LRRC4C: variants seen among roughly 807,000 people sequenced by gnomAD.
The protein encoded by LRRC4C is leucine-rich repeat-containing protein 4C.
In LRRC4C, 5 loss-of-function variants were observed where a neutral mutation model predicts 33.6. The observed-to-expected ratio is 0.15, with a 90% CI of 0.08 to 0.31. LRRC4C has a LOEUF of 0.31. LRRC4C is among the 10% of genes least tolerant of loss of function. The pLI is 1.00. For synonymous variants in LRRC4C, 329 were observed against 302.0 expected (o/e 1.09, Z -0.93); for missense variants, 560 against 796.7 (o/e 0.70, Z 3.58).
At position 41,087,004 on chromosome 11, in the gene LRRC4C, T is replaced by A. The variant is rs1313296130; in HGVS notation, c.-495-153281A>T. 3.3e-5 allele frequency among the ~76,000 whole-genome samples: 5 copies of A among 151,958 alleles called. No homozygotes were observed. In the East Asian group the frequency reaches 9.7e-4, roughly 29 times the overall value. On this transcript the variant is annotated intron_variant, in intron 1 of 6. Transcript: ENST00000528697. ...AACATTCTTTGTACAATTCTACTCCTTCTTCATTAGTCTGCCATTCCTGCA... is the reference window on the plus strand; with the variant it reads ...AACATTCTTTGTACAATTCTACTCCATCTTCATTAGTCTGCCATTCCTGCA...
chr11:40,592,525 T>A (rs115613651), intron 3 of LRRC4C, among the ~76,000 whole-genome samples: 2,571 of 152,332 alleles, frequency 0.017, 91 homozygotes, highest in African/African-American at 0.058. Context: ...CATATGGAAG[T>A]GGCCTTGTGG....
chr11:41,437,854 A>G (rs1281152204), intron 1 of LRRC4C, among the ~76,000 whole-genome samples: 1 of 152,066 alleles, frequency 6.6e-6, no homozygotes, highest in African/African-American at 2.4e-5. Flanking sequence ...CCTGGCTAAC[A>G]TGGTGAAACC....
intron 3 of LRRC4C, among the ~76,000 whole-genome samples, chr11:40,447,682 T>C (rs1951699718): frequency 6.6e-6 from 1 of 152,140 alleles, no homozygotes; most frequent in Admixed American, 6.5e-5. Flanking sequence ...AAGCAAACTC[T>C]CCGTCTCTAA....
At chr11:40,542,048 T>TTCTCTTTCTTTCTTTCTC (rs1956733934) in intron 3 of LRRC4C, among the ~76,000 whole-genome samples, 1 of 136,888 alleles carries the variant, frequency 7.3e-6, no homozygotes, top group Non-Finnish European at 1.5e-5. Flanking sequence ...TTCTTTCTCT[T>TTCTCTTTCTTTCTTTCTC]TCTCTCTTTC....
chr11:40,263,532 G>GA (rs199622013), intron 4 of LRRC4C, among the ~76,000 whole-genome samples: 2 of 152,114 alleles, frequency 1.3e-5, no homozygotes, highest in African/African-American at 4.8e-5. Flanking sequence ...TACAGTTTTG[G>GA]GGGCGGGGGA....
At chr11:40,810,741 T>C (rs1951452921) in intron 2 of LRRC4C, among the ~76,000 whole-genome samples, 1 of 152,156 alleles carries the variant, frequency 6.6e-6, no homozygotes. Context: ...CTACTCCTAA[T>C]TAATTAACAT....
rs1590388991 is a variant in LRRC4C, at chr11:40,346,708, T to G, written c.-269-26987A>C. ...TGTGCCCCTGAACTTAAAATAAACG[T>G]TTTTTTAAAAGCAAACAACATGAAT... On this transcript the variant is annotated intron_variant, in intron 3 of 6. Coordinates refer to ENST00000528697, the MANE Select transcript of LRRC4C (RefSeq NM_001258419.2). Among the ~76,000 whole-genome samples, 3 of 152,276 alleles carry G rather than the reference T, an allele frequency of 2.0e-5. 1 individual carries two copies. Among genetic ancestry groups the G allele is most frequent in the Admixed American group, 2.0e-4 (3 of 15,282 alleles).
Position 40,592,052 on chromosome 11 carries a change from G to A in LRRC4C, c.-270+56090C>T, listed in dbSNP as rs375966097. Among the ~76,000 whole-genome samples, 31 of 152,324 alleles carry A rather than the reference G, an allele frequency of 2.0e-4. No homozygotes were observed. In the East Asian group the frequency reaches 3.3e-3, roughly 16 times the overall value. On this transcript the variant is annotated intron_variant, in intron 3 of 6. Transcript: ENST00000528697. The stretch of plus-strand genomic sequence containing the variant: ...CTATTCACTCAAATAGATGTTACAT[G>A]TTTATTGTGCCTCAGTTTGCTTTTT...
At position 40,709,117 on chromosome 11, in the gene LRRC4C, C is replaced by T. The variant is rs183134653; in HGVS notation, c.-406-60839G>A. ...GTGTGTCTCTGCATGTGAAATGGGT[C>T]TCCTGAATACAGCACACTGATGGGT... is the stretch of plus-strand genomic sequence containing the variant. On this transcript the variant is annotated intron_variant, in intron 2 of 6. Coordinates refer to ENST00000528697, the MANE Select transcript of LRRC4C (RefSeq NM_001258419.2). Among the ~76,000 whole-genome samples the T allele has an allele frequency of 4.7e-3, 715 of 152,198 alleles. 6 individuals carry two copies. The highest frequency in any genetic ancestry group is 6.1e-3 in the Non-Finnish European group (416 of 68,014).
At chr11:40,603,993 T>C (rs1960298288) in intron 3 of LRRC4C, among the ~76,000 whole-genome samples, 1 of 152,156 alleles carries the variant, frequency 6.6e-6, no homozygotes, top group South Asian at 2.1e-4. Flanking sequence ...AATCACTGTA[T>C]AGACGTTGGG....
At chr11:40,354,932 A>G (rs1947587032) in intron 3 of LRRC4C, among the ~76,000 whole-genome samples, 1 of 151,980 alleles carries the variant, frequency 6.6e-6, no homozygotes, top group African/African-American at 2.4e-5. Flanking sequence ...CACCATAGCT[A>G]GGAATGTGCT....
At position 40,114,323 on chromosome 11, in the gene LRRC4C, ACTGT is replaced by A. The variant is rs375145452; in HGVS notation, c.*43_*46del. 241 of 1,510,912 alleles carry A rather than the reference ACTGT, an allele frequency of 1.6e-4. 2 individuals carry two copies. In the East Asian group the frequency reaches 4.4e-3, roughly 28 times the overall value. 93.6% of individuals were successfully genotyped at this position (1,510,912 alleles called of 1,614,324 possible). ...CAGTCATTTGTGTCATTTTTAATAAACTGTCTTTTTTTTTGATTGTTTGTTTTTT... is the reference window on the plus strand; with the variant it reads ...CAGTCATTTGTGTCATTTTTAATAAACTTTTTTTTTGATTGTTTGTTTTTT... On this transcript the variant is annotated 3_prime_UTR_variant, in exon 7 of 7. Transcript: ENST00000528697.
At chr11:40,891,126 G>A (rs1324392129) in intron 2 of LRRC4C, among the ~76,000 whole-genome samples, 2 of 152,100 alleles carry the variant, frequency 1.3e-5, no homozygotes, top group Non-Finnish European at 2.9e-5. Context: ...AGCTACTCGG[G>A]AGGCTGAGGT....
At chr11:40,309,251 GAT>G (rs776441500) in intron 4 of LRRC4C, among the ~76,000 whole-genome samples, 1 of 151,944 alleles carries the variant, frequency 6.6e-6, no homozygotes, top group Non-Finnish European at 1.5e-5. Flanking sequence ...TATTCAAATT[GAT>G]ATATATATCC....
chr11:41,344,099 A>G (rs1468465709), intron 1 of LRRC4C, among the ~76,000 whole-genome samples: 2 of 152,140 alleles, frequency 1.3e-5, no homozygotes, highest in Non-Finnish European at 2.9e-5. Context: ...TCACTTGCAC[A>G]CCAAGCCCTA....
chr11:40,307,330 A>C (rs1400027038), intron 4 of LRRC4C, among the ~76,000 whole-genome samples: 1 of 152,148 alleles, frequency 6.6e-6, no homozygotes, highest in African/African-American at 2.4e-5. Context: ...AGAAATTTGC[A>C]TGTTCCCTAT....
intron 1 of LRRC4C, among the ~76,000 whole-genome samples, chr11:41,130,133 C>T (rs1942945372): frequency 6.6e-6 from 1 of 151,934 alleles, no homozygotes; most frequent in East Asian, 1.9e-4. Context: ...GCTCATTCCT[C>T]ATGTATTTCT....
chr11:41,074,100 T>C lies in LRRC4C; in HGVS notation c.-495-140377A>G, dbSNP rs372991612. On this transcript the variant is annotated intron_variant, in intron 1 of 6. Transcript: ENST00000528697. ...TATTTGATATCTGTCATAATAATCATCGATAACAAATAGTCAAGATTTTTT... is the reference window on the plus strand; with the variant it reads ...TATTTGATATCTGTCATAATAATCACCGATAACAAATAGTCAAGATTTTTT... Among the ~76,000 whole-genome samples, 13 of 152,336 alleles carry C rather than the reference T, an allele frequency of 8.5e-5. No individual in the cohort carries two copies. The South Asian group carries it at 1.0e-3, about 12-fold the overall frequency.
rs561169630 is a variant in LRRC4C, at chr11:41,231,437, TA to T, written c.-496+227993del. ...TACACCATGGAATACTATGCAGCCA[TA>T]AAAAATGATGACTTCATGTCCTTTG... On this transcript the variant is annotated intron_variant, in intron 1 of 6. Coordinates refer to ENST00000528697, the MANE Select transcript of LRRC4C (RefSeq NM_001258419.2). Among the ~76,000 whole-genome samples the T allele has an allele frequency of 6.2e-3, 923 of 148,888 alleles. 12 individuals carry two copies. The highest frequency in any genetic ancestry group is 0.022 in the African/African-American group (860 of 38,516).
Sources: allele counts gnomAD v4.1 joint callset (sites outside exome capture counted in the v4.1 genomes callset), GRCh38; gene constraint gnomAD v4.1.1; transcripts MANE v1.5; gene names NCBI Gene and HGNC (gene_info 2026-07-23, HGNC 2026-07-21).